Variants in MARK3 observed in about 807,000 individuals in gnomAD.
MARK3 encodes the protein microtubule affinity regulating kinase 3.
In MARK3, 46 loss-of-function variants were observed where a neutral mutation model predicts 90.1. The ratio of observed to expected loss-of-function variants is 0.51; its 90% CI spans 0.40 to 0.65. The LOEUF (loss-of-function observed/expected upper bound fraction) is 0.65. MARK3 is among the 30% of genes least tolerant of loss of function. MARK3 has a pLI of 0.00. For synonymous variants in MARK3, 321 were observed against 332.6 expected, an observed-to-expected ratio of 0.97 and a Z score of 0.38; for missense variants, 818 against 947.2, an observed-to-expected ratio of 0.86 and a Z score of 1.79.
Position 103,431,324 on chromosome 14 carries a change from C to G in MARK3, c.297+2884C>G, listed in dbSNP as rs143813946. ...GCCAGGCTGGTCTGGTCTCAAACTCCTGACCTCAGGTGATCCACCTGCCTC... is the reference window on the plus strand; with the variant it reads ...GCCAGGCTGGTCTGGTCTCAAACTCGTGACCTCAGGTGATCCACCTGCCTC... On this transcript the variant is annotated intron_variant, in intron 3 of 17. Transcript: ENST00000429436. Among the ~76,000 whole-genome samples the G allele has an allele frequency of 5.9e-5, 9 of 152,260 alleles. No homozygotes were observed. In the East Asian group the frequency reaches 1.7e-3, roughly 30 times the overall value.
At chr14:103,498,467 T>C (rs1470235966) in intron 15 of MARK3, 35 bp from the exon 16 acceptor site, 11 of 1,237,548 alleles carry the variant, frequency 8.9e-6, no homozygotes, top group Non-Finnish European at 1.1e-5. Context: ...GTTATTTTTG[T>C]TAATTTTTTT....
At chr14:103,412,045 G>A (rs890454933) in intron 2 of MARK3, 12 of 367,694 alleles carry the variant, frequency 3.3e-5, no homozygotes, top group Non-Finnish European at 5.6e-5. Flanking sequence ...GATTAGATTA[G>A]TTTTCATGGG....
intron 2 of MARK3, among the ~76,000 whole-genome samples, chr14:103,415,150 C>CAAAAA (rs34245934): frequency 3.7e-4 from 14 of 37,688 alleles, no homozygotes; most frequent in African/African-American, 9.9e-4. Context: ...GACCTTGTCT[C>CAAAAA]AAAAAAAAAA....
chr14:103,432,849 C>T (rs2092621312), intron 3 of MARK3, among the ~76,000 whole-genome samples: 1 of 152,016 alleles, frequency 6.6e-6, no homozygotes, highest in African/African-American at 2.4e-5. Context: ...GAGCAAGACC[C>T]TGTCTCAAAA....
chr14:103,498,489 T>C lies in MARK3; in HGVS notation c.1845-13T>C. Reference sequence around the variant, plus strand: ...TTGTTAATTTTTTTTTTTTTTTACTTAATTTCTTTTAGAAACATGTCATTC... The same window carrying C: ...TTGTTAATTTTTTTTTTTTTTTACTCAATTTCTTTTAGAAACATGTCATTC... On this transcript the variant is annotated splice_polypyrimidine_tract_variant and intron_variant, in intron 15 of 17. Coordinates refer to ENST00000429436, the MANE Select transcript of MARK3 (RefSeq NM_001128918.3). 1 of 1,328,664 alleles carries C rather than the reference T, an allele frequency of 7.5e-7. No individual in the cohort carries two copies. The highest frequency in any genetic ancestry group is 1.7e-5 in the South Asian group (1 of 59,998). The allele number at this position is 1,328,664 out of a possible 1,614,324, so 82.3% of individuals were successfully genotyped here.
chr14:103,470,716 C>G (rs1021566536), intron 12 of MARK3, among the ~76,000 whole-genome samples: 2 of 151,978 alleles, frequency 1.3e-5, no homozygotes, highest in African/African-American at 2.4e-5. Flanking sequence ...CTCAGCCTCC[C>G]AAAGTGCTCG....
chr14:103,388,590 C>T (rs957739952), intron 1 of MARK3, among the ~76,000 whole-genome samples: 2 of 152,132 alleles, frequency 1.3e-5, no homozygotes, highest in Non-Finnish European at 2.9e-5. Context: ...TTTTGACAAG[C>T]GTATAGTTAT....
At chr14:103,431,526 G>A (rs2092582585) in intron 3 of MARK3, among the ~76,000 whole-genome samples, 2 of 152,312 alleles carry the variant, frequency 1.3e-5, no homozygotes, top group African/African-American at 4.8e-5. Flanking sequence ...AGCTTCTCAG[G>A]AGGCTGAGGC....
At chr14:103,400,555 A>T (rs2090889191) in intron 1 of MARK3, among the ~76,000 whole-genome samples, 2 of 152,160 alleles carry the variant, frequency 1.3e-5, no homozygotes, top group African/African-American at 2.4e-5. Context: ...ATAAGAATTA[A>T]ACTCAGCAGC....
At chr14:103,497,285 C>T (rs2075402729) in intron 15 of MARK3, among the ~76,000 whole-genome samples, 1 of 151,964 alleles carries the variant, frequency 6.6e-6, no homozygotes, top group Non-Finnish European at 1.5e-5. Flanking sequence ...TAGATTAATA[C>T]CTAAAGCAAT....
At position 103,386,314 on chromosome 14, in the gene MARK3, A is replaced by G. The variant is rs2089791189; in HGVS notation, c.51+234A>G. On this transcript the variant is annotated intron_variant, in intron 1 of 17. Transcript: ENST00000429436. ...ATTATGCCGGCAGTCTAGTCGGTTAATAAAGCCCAGGAGTTGCAGCGTTAC... is the reference window on the plus strand; with the variant it reads ...ATTATGCCGGCAGTCTAGTCGGTTAGTAAAGCCCAGGAGTTGCAGCGTTAC... 1.6e-5 allele frequency: 11 copies of G among 698,702 alleles called. No individual in the cohort carries two copies. The South Asian group carries it at 1.6e-4, about 10-fold the overall frequency. The allele number at this position is 698,702 out of a possible 1,614,324, so 43.3% of individuals were successfully genotyped here. A position where few individuals can be genotyped will look rare whatever the true frequency, so the allele number is the denominator to read the frequency against.
At chr14:103,436,409 C>CT (rs71460676) in intron 3 of MARK3, among the ~76,000 whole-genome samples, 46,453 of 140,576 alleles carry the variant, frequency 0.33, 7,985 homozygotes, top group East Asian at 0.52. Context: ...TCTTTTCTTT[C>CT]TTTTTTTTTT....
intron 2 of MARK3, among the ~76,000 whole-genome samples, chr14:103,423,884 T>C (rs546539378): frequency 6.6e-6 from 1 of 152,332 alleles, no homozygotes; most frequent in South Asian, 2.1e-4. Context: ...GGCTATTGAA[T>C]AGCAGTACCT....
At chr14:103,486,904 G>GTTTA (rs5811110) in intron 14 of MARK3, among the ~76,000 whole-genome samples, 48,776 of 144,816 alleles carry the variant, frequency 0.34, 8,288 homozygotes, top group East Asian at 0.48. Flanking sequence ...ATGTCAAAAA[G>GTTTA]TTTATTTATT....
intron 3 of MARK3, among the ~76,000 whole-genome samples, chr14:103,431,441 G>C (rs2141077649): frequency 6.6e-6 from 1 of 152,174 alleles, no homozygotes; most frequent in East Asian, 2.0e-4. Flanking sequence ...GACCAGCCTG[G>C]TCAACATGGT....
At chr14:103,442,942 TC>T (rs768977846) in intron 3 of MARK3, among the ~76,000 whole-genome samples, 13 of 103,714 alleles carry the variant, frequency 1.3e-4, no homozygotes, top group African/African-American at 3.6e-4. Context: ...TTGGTGGGTG[TC>T]CCCCCCCCTC....
chr14:103,467,061 A>G lies in MARK3; in HGVS notation c.998-18A>G, dbSNP rs374154324. 8 of 1,151,896 alleles carry G rather than the reference A, an allele frequency of 6.9e-6. No individual in the cohort carries two copies. In the African/African-American group the frequency reaches 7.7e-5, roughly 11 times the overall value. 71.4% of individuals were successfully genotyped at this position (1,151,896 alleles called of 1,614,324 possible). Reference sequence around the variant, plus strand: ...TACCCAAACAAAACACATAAACTGTATTATGCCCTTCTTTTAGATATTATG... The same window carrying G: ...TACCCAAACAAAACACATAAACTGTGTTATGCCCTTCTTTTAGATATTATG... On this transcript the variant is annotated intron_variant, in intron 10 of 17. Transcript: ENST00000429436.
intron 2 of MARK3, among the ~76,000 whole-genome samples, chr14:103,426,749 G>T (rs1287481032): frequency 1.3e-5 from 2 of 152,098 alleles, no homozygotes; most frequent in Non-Finnish European, 2.9e-5. Context: ...AAAAACACTG[G>T]CTGGGGCATA....
At chr14:103,444,086 C>CTTTTTTTT (rs10676381) in intron 3 of MARK3, among the ~76,000 whole-genome samples, 4 of 116,390 alleles carry the variant, frequency 3.4e-5, no homozygotes, top group Non-Finnish European at 5.0e-5. Flanking sequence ...GTAAAATTGT[C>CTTTTTTTT]TTTTTTTTTT....
Sources: allele counts gnomAD v4.1 joint callset (sites outside exome capture counted in the v4.1 genomes callset), GRCh38; gene constraint gnomAD v4.1.1; transcripts MANE v1.5; gene names NCBI Gene and HGNC (gene_info 2026-07-23, HGNC 2026-07-21).